Variants in MSC observed in about 807,000 individuals in gnomAD.
MSC encodes the protein musculin, also known as activated B-cell factor 1, homolog of mouse musculin.
A neutral mutation model predicts 14.4 loss-of-function variants in MSC; 16 were observed. The ratio of observed to expected loss-of-function variants is 1.11; its 90% CI spans 0.75 to 1.69. The LOEUF is 1.69. MSC is among the 40% of genes most tolerant of loss of function. The pLI is 0.00. For synonymous variants in MSC, 165 were observed against 128.5 expected, an observed-to-expected ratio of 1.28 and a Z score of -1.92; for missense variants, 320 against 288.1, an observed-to-expected ratio of 1.11 and a Z score of -0.80.
rs559225782 is a variant in MSC, at chr8:71,844,132, C to T, written c.47G>A (p.Gly16Glu). The T allele has an allele frequency of 6.5e-5, 100 of 1,529,122 alleles. 1 individual carries two copies. The South Asian group carries it at 1.2e-3, about 18-fold the overall frequency. The allele number at this position is 1,529,122 out of a possible 1,614,324, so 94.7% of individuals were successfully genotyped here. A position where few individuals can be genotyped will look rare whatever the true frequency, so the allele number is the denominator to read the frequency against. Residue 16 changes from glycine to glutamate, a missense_variant, in exon 1 of 2, where the codon GGG becomes GAG. Gly to Glu is a moderately conservative substitution (Grantham distance 98). Coordinates refer to ENST00000325509, the MANE Select transcript of MSC (RefSeq NM_005098.4). ...VSDPEEMELR[G>E]LQREYPVPAS... is the part of the protein sequence containing the mutation. The stretch of plus-strand genomic sequence containing the variant: ...GGGGACCGGGTACTCCCGCTGCAGC[C>T]CCCGAAGCTCCATCTCCTCCGGATC...
intron 1 of MSC, 169 bp from the exon 2 acceptor site, chr8:71,842,916 G>T (rs771866383): frequency 6.2e-6 from 4 of 641,460 alleles, no homozygotes; most frequent in Non-Finnish European, 1.1e-5. Context: ...TTTTACTGGA[G>T]GTTGATAATC....
Position 71,842,486 on chromosome 8 carries a change from C to G in MSC, c.*175G>C. The G allele has an allele frequency of 1.4e-6, 1 of 694,826 alleles. No homozygotes were observed. The highest frequency in any genetic ancestry group is 2.6e-6 in the Non-Finnish European group (1 of 387,314). The allele number at this position is 694,826 out of a possible 1,614,324, so 43.0% of individuals were successfully genotyped here. On this transcript the variant is annotated 3_prime_UTR_variant, in exon 2 of 2. Transcript: ENST00000325509. ...TCCGGCGCAGCTGTAGCCGTGGGCG[C>G]TGTGCAGTGACAGCCACACCCGCCA...
chr8:71,842,467 G>A lies in MSC; in HGVS notation c.*194C>T. ...CAAAACGTGGTCGCCCAGATCCGGCGCAGCTGTAGCCGTGGGCGCTGTGCA... is the reference window on the plus strand; with the variant it reads ...CAAAACGTGGTCGCCCAGATCCGGCACAGCTGTAGCCGTGGGCGCTGTGCA... On this transcript the variant is annotated 3_prime_UTR_variant, in exon 2 of 2. Transcript: ENST00000325509. 1 of 637,204 alleles carries A rather than the reference G, an allele frequency of 1.6e-6. No homozygotes were observed. The highest frequency in any genetic ancestry group is 2.8e-6 in the Non-Finnish European group (1 of 354,614). 39.5% of individuals were successfully genotyped at this position (637,204 alleles called of 1,614,324 possible).
chr8:71,843,500 G>C, intron 1 of MSC, 145 bp downstream of exon 1: 1 of 1,017,534 alleles, frequency 9.8e-7, no homozygotes. Flanking sequence ...TGATTTGGGA[G>C]AAACTAAACT....
Position 71,843,774 on chromosome 8 carries a change from G to T in MSC, c.405C>A (p.Pro135=). 6.2e-7 allele frequency: 1 copy of T among 1,614,026 alleles called. No homozygotes were observed. Among genetic ancestry groups the T allele is most frequent in the Non-Finnish European group, 8.5e-7 (1 of 1,180,014 alleles). ...KAFSRLKTSL[P]WVPPDTKLSK... ...AGAGCTTAGTGTCGGGGGGCACCCA[G>T]GGCAGGCTGGTCTTGAGCCTGGAGA... Residue 135 remains proline, a synonymous_variant, in exon 1 of 2, where the codon CCC becomes CCA. Transcript: ENST00000325509.
chr8:71,843,823 C>A lies in MSC; in HGVS notation c.356G>T (p.Arg119Leu). The part of the protein sequence containing the change: ...RNAANARERA[R>L]MRVLSKAFSR... ...GAAGGCTTTGCTCAGCACGCGCATC[C>A]GGGCACGCTCACGGGCGTTGGCCGC... Residue 119 changes from arginine to leucine, a missense_variant, in exon 1 of 2, where the codon CGG (arginine) becomes CTG (leucine). Coordinates refer to ENST00000325509, the MANE Select transcript of MSC (RefSeq NM_005098.4). 6.2e-7 allele frequency: 1 copy of A among 1,613,484 alleles called. No homozygotes were observed. Among genetic ancestry groups the A allele is most frequent in the Non-Finnish European group, 8.5e-7 (1 of 1,179,878 alleles).
At chr8:71,843,006 G>T in intron 1 of MSC, 6 of 380,232 alleles carry the variant, frequency 1.6e-5, no homozygotes, top group Non-Finnish European at 2.5e-5. Context: ...TGACTTTGAG[G>T]TTCTGTCGTT....
In MSC at chr8:71,842,628, C is replaced by G. The variant is rs762714470; in HGVS notation, c.*33G>C. ...GTGGCCCCCAAACACTCGCATTTAA[C>G]GAATAATCCCATCAAGTGAGTTCCA... On this transcript the variant is annotated 3_prime_UTR_variant, in exon 2 of 2. Transcript: ENST00000325509. 6.2e-7 allele frequency: 1 copy of G among 1,604,538 alleles called. No homozygotes were observed. Among genetic ancestry groups the G allele is most frequent in the Non-Finnish European group, 8.5e-7 (1 of 1,171,346 alleles).
At position 71,842,341 on chromosome 8, in the gene MSC, C is replaced by A. The variant is rs1310247694; in HGVS notation, c.*320G>T. The A allele has an allele frequency of 8.4e-6, 3 of 358,188 alleles. No individual in the cohort carries two copies. Among genetic ancestry groups the A allele is most frequent in the Non-Finnish European group, 1.6e-5 (3 of 184,938 alleles). The allele number at this position is 358,188 out of a possible 1,614,324, so 22.2% of individuals were successfully genotyped here. On this transcript the variant is annotated 3_prime_UTR_variant, in exon 2 of 2. Coordinates refer to ENST00000325509, the MANE Select transcript of MSC (RefSeq NM_005098.4). The stretch of plus-strand genomic sequence containing the variant: ...GAGAACGGATCCGTGGGCTGTCTGG[C>A]GCGGGCTGGGGCAGCAGCCGAGAGT...
At position 71,843,679 on chromosome 8, in the gene MSC, C is replaced by A. The variant is rs768188608; in HGVS notation, c.500G>T (p.Arg167Leu). Residue 167 changes from arginine to leucine, a missense_variant, in exon 1 of 2, where the codon CGC becomes CTC. Transcript: ENST00000325509. ...AHLRQLLQED[R>L]YENGYVHPVN... Reference sequence around the variant, plus strand: ...TGGGTGCACGTAGCCGTTCTCATAGCGGTCCTCCTGCAACAGCTGCCGCAG... The same window carrying A: ...TGGGTGCACGTAGCCGTTCTCATAGAGGTCCTCCTGCAACAGCTGCCGCAG... 3.1e-6 allele frequency: 5 copies of A among 1,614,232 alleles called. No homozygotes were observed. In the South Asian group the frequency reaches 4.4e-5, roughly 14 times the overall value.
chr8:71,842,797 AC>A lies in MSC; in HGVS notation c.535-51del, dbSNP rs753258894. ...TATTAGAGAGAAACGATTGTCTCAAACCGAAACAGCTCTCCTACGCGAACCC... is the reference window on the plus strand; with the variant it reads ...TATTAGAGAGAAACGATTGTCTCAAACGAAACAGCTCTCCTACGCGAACCC... On this transcript the variant is annotated intron_variant, in intron 1 of 1. Coordinates refer to ENST00000325509, the MANE Select transcript of MSC (RefSeq NM_005098.4). The A allele has an allele frequency of 2.6e-6, 4 of 1,543,206 alleles. No individual in the cohort carries two copies. The African/African-American group carries it at 4.1e-5, about 16-fold the overall frequency.
Position 71,844,330 on chromosome 8 carries a change from A to T in MSC, c.-152T>A. 8.7e-7 allele frequency: 1 copy of T among 1,143,986 alleles called. No homozygotes were observed. Among genetic ancestry groups the T allele is most frequent in the Non-Finnish European group, 1.3e-6 (1 of 789,496 alleles). The allele number at this position is 1,143,986 out of a possible 1,614,324, so 70.9% of individuals were successfully genotyped here. On this transcript the variant is annotated 5_prime_UTR_variant, in exon 1 of 2. Transcript: ENST00000325509. ...CCGGGAAGCGCGGGGTGAGAAAGCG[A>T]GGTGGGTGGCGAGAGCGTGAGCGCC...
Position 71,844,153 on chromosome 8 carries a change from G to T in MSC, c.26C>A (p.Pro9Gln). 1.9e-6 allele frequency: 3 copies of T among 1,546,482 alleles called. No individual in the cohort carries two copies. The highest frequency in any genetic ancestry group is 1.7e-6 in the Non-Finnish European group (2 of 1,146,728). Residue 9 changes from proline to glutamine, a missense_variant, in exon 1 of 2, where the codon CCG becomes CAG. By Grantham distance (76) the Pro-to-Gln change is moderately conservative. Transcript: ENST00000325509. MSTGSVSD[P>Q]EEMELRGLQR... ...CAGCCCCCGAAGCTCCATCTCCTCC[G>T]GATCACTCACCGAGCCCGTGGACAT...
chr8:71,843,896 G>C lies in MSC; in HGVS notation c.283C>G (p.Leu95Val). The C allele has an allele frequency of 6.3e-7, 1 of 1,597,948 alleles. No homozygotes were observed. Among genetic ancestry groups the C allele is most frequent in the Non-Finnish European group, 8.5e-7 (1 of 1,173,050 alleles). The part of the protein sequence containing the change: ...GSAGGGGKKP[L>V]PAKGSAAECK... Reference sequence around the variant, plus strand: ...TCTGCGGCTGAGCCCTTGGCCGGGAGGGGCTTCTTGCCACCACCGCCCGCG... The same window carrying C: ...TCTGCGGCTGAGCCCTTGGCCGGGACGGGCTTCTTGCCACCACCGCCCGCG... Residue 95 changes from leucine (L) to valine (V), a missense_variant, in exon 1 of 2, where the codon CTC (leucine) becomes GTC (valine). By Grantham distance (32) the Leu-to-Val change is conservative. Coordinates refer to ENST00000325509, the MANE Select transcript of MSC (RefSeq NM_005098.4).
chr8:71,843,506 A>G, intron 1 of MSC, 139 bp downstream of exon 1: 1 of 1,071,036 alleles, frequency 9.3e-7, no homozygotes, highest in Non-Finnish European at 1.4e-6. Context: ...GGGAGAAACT[A>G]AACTGGCCTT....
chr8:71,842,765 C>T lies in MSC; in HGVS notation c.535-18G>A. On this transcript the variant is annotated intron_variant, in intron 1 of 1. Transcript: ENST00000325509. ...GGCCATGTCTGTAAATCAAAAAGAA[C>T]GTGAGATATTAGAGAGAAACGATTG... The T allele has an allele frequency of 6.2e-7, 1 of 1,609,808 alleles. No homozygotes were observed. The highest frequency in any genetic ancestry group is 8.5e-7 in the Non-Finnish European group (1 of 1,176,272).
chr8:71,843,751 A>T lies in MSC; in HGVS notation c.428T>A (p.Leu143His), dbSNP rs754803268. The T allele has an allele frequency of 6.2e-7, 1 of 1,614,066 alleles. No homozygotes were observed. Among genetic ancestry groups the T allele is most frequent in the Non-Finnish European group, 8.5e-7 (1 of 1,180,022 alleles). ...CAGCCGGAGCGTGTCCAGCTTGGAG[A>T]GCTTAGTGTCGGGGGGCACCCAGGG... ...SLPWVPPDTK[L>H]SKLDTLRLAS... The change falls in exon 1 of 2, where the codon CTC (leucine) becomes CAC (histidine). Residue 143 changes from leucine (L) to histidine (H), a missense_variant. By Grantham distance (99) the Leu-to-His change is moderately conservative. Transcript: ENST00000325509.
rs762880129 is a variant in MSC at position 71,842,727 on chromosome 8, C to A, written c.555G>T (p.Ser185=). ...CTTTGGTGTCAGAGTCCGGTCTTCC[C>A]GAGACCACGAATGGCCATGTCTGTA... The part of the protein sequence containing the change: ...PVNLTWPFVV[S]GRPDSDTKEV... The change falls in exon 2 of 2, where the codon TCG becomes TCT. Residue 185 remains serine, a synonymous_variant. Transcript: ENST00000325509. The A allele has an allele frequency of 1.9e-6, 3 of 1,613,988 alleles. No individual in the cohort carries two copies. The highest frequency in any genetic ancestry group is 2.5e-6 in the Non-Finnish European group (3 of 1,179,956).
Position 71,843,945 on chromosome 8 carries a change from A to G in MSC, c.234T>C (p.Ala78=). Residue 78 remains alanine, a synonymous_variant, in exon 1 of 2, where the codon GCT becomes GCC. Coordinates refer to ENST00000325509, the MANE Select transcript of MSC (RefSeq NM_005098.4). ...CGCTACCACCTGCGCCGCCGCCCCC[A>G]GCCACACGGGGCCGCTTCCTCTTGC... ...EGCKRKRPRV[A]GGGGAGGSAG... 1 of 1,563,716 alleles carries G rather than the reference A, an allele frequency of 6.4e-7. No homozygotes were observed. Among genetic ancestry groups the G allele is most frequent in the Non-Finnish European group, 8.6e-7 (1 of 1,156,416 alleles).
Sources: gnomAD v4.1 joint callset for allele counts on GRCh38, gnomAD v4.1.1 for gene constraint, MANE v1.5 for transcripts, NCBI Gene and HGNC (gene_info 2026-07-23, HGNC 2026-07-21) for gene names.